Variants in ADARB2 observed in about 807,000 individuals in gnomAD.
The protein encoded by ADARB2 is adenosine deaminase RNA specific B2 (inactive).
ADARB2 carries 25 observed loss-of-function variants against 62.2 expected under a neutral mutation model. The ratio of observed to expected loss-of-function variants is 0.40; its 90% CI spans 0.29 to 0.56. The LOEUF is 0.56. Ranked by LOEUF, ADARB2 falls within the 20% of genes least tolerant of loss-of-function variation. The pLI is 0.43. For synonymous variants in ADARB2, 572 were observed against 500.8 expected (o/e 1.14, Z -1.90); for missense variants, 1,071 against 1,077.4 (o/e 0.99, Z 0.08).
rs1323039474 is a variant in ADARB2, at chr10:1,346,492, CTTT to C, written c.1077+16533_1077+16535del. On this transcript the variant is annotated intron_variant, in intron 3 of 9. Transcript: ENST00000381312. ...TGTTGTTGACAGGGGCATGAACTGG[CTTT>C]CAGTGTTACTGAGTCTTGCTCTTCA... Among the ~76,000 whole-genome samples the C allele has an allele frequency of 7.9e-5, 12 of 152,344 alleles. 1 individual carries two copies. In the East Asian group the frequency reaches 1.9e-3, roughly 24 times the overall value.
At chr10:1,302,837 C>T (rs918026192) in intron 3 of ADARB2, among the ~76,000 whole-genome samples, 42 of 152,248 alleles carry the variant, frequency 2.8e-4, no homozygotes, top group Admixed American at 1.9e-3. Context: ...AGAAGGAAAA[C>T]TAACAAACAG....
intron 1 of ADARB2, among the ~76,000 whole-genome samples, chr10:1,455,337 T>A (rs1402724256): frequency 1.3e-5 from 2 of 152,198 alleles, no homozygotes; most frequent in Non-Finnish European, 2.9e-5. Context: ...TTAAAACAAT[T>A]ATGATGAGCA....
At chr10:1,386,829 C>T (rs1832529386) in intron 1 of ADARB2, among the ~76,000 whole-genome samples, 1 of 151,786 alleles carries the variant, frequency 6.6e-6, no homozygotes. Flanking sequence ...TTATAGAACA[C>T]TGTATAGAGT....
chr10:1,371,741 G>A (rs1206403567), intron 2 of ADARB2, among the ~76,000 whole-genome samples: 3 of 145,936 alleles, frequency 2.1e-5, no homozygotes, highest in Non-Finnish European at 3.0e-5. Flanking sequence ...AAATCACACT[G>A]AGATGTCATC....
At chr10:1,550,382 G>A (rs981896171) in intron 1 of ADARB2, among the ~76,000 whole-genome samples, 1 of 152,220 alleles carries the variant, frequency 6.6e-6, no homozygotes, top group African/African-American at 2.4e-5. Context: ...TATTTTCTGA[G>A]AAAGCTCATT....
At chr10:1,190,099 C>A (rs1052338155) in intron 8 of ADARB2, among the ~76,000 whole-genome samples, 127 of 152,216 alleles carry the variant, frequency 8.3e-4, no homozygotes, top group Admixed American at 8.2e-3. Context: ...CAGCTGAGCT[C>A]CAAGGAGAAA....
chr10:1,325,295 A>G (rs1831834711), intron 3 of ADARB2, among the ~76,000 whole-genome samples: 1 of 151,938 alleles, frequency 6.6e-6, no homozygotes, highest in African/African-American at 2.4e-5. Context: ...ACCTCTCTTC[A>G]CCTCTTCATG....
At position 1,451,261 on chromosome 10, in the gene ADARB2, C is replaced by T. The variant is rs151117548; in HGVS notation, c.101-72101G>A. Among the ~76,000 whole-genome samples, 92 of 152,354 alleles carry T rather than the reference C, an allele frequency of 6.0e-4. No homozygotes were observed. The East Asian group carries it at 0.018, about 29-fold the overall frequency. On this transcript the variant is annotated intron_variant, in intron 1 of 9. Transcript: ENST00000381312. ...AGCGATACAGGTGAAAGTGCCCTCC[C>T]AGTATGGGAAAGACGGCAGAGTATT...
intron 1 of ADARB2, among the ~76,000 whole-genome samples, chr10:1,698,427 G>A (rs199810727): frequency 1.3e-5 from 2 of 152,182 alleles, no homozygotes; most frequent in East Asian, 3.9e-4. Flanking sequence ...CAGAGCATGG[G>A]GGAGAGACAT....
At chr10:1,576,407 A>G (rs963294871) in intron 1 of ADARB2, among the ~76,000 whole-genome samples, 2 of 151,988 alleles carry the variant, frequency 1.3e-5, no homozygotes, top group South Asian at 2.1e-4. Context: ...GAGGGGGCTC[A>G]GGATCACTGG....
At position 1,200,066 on chromosome 10, in the gene ADARB2, G is replaced by A. The variant is rs775269145; in HGVS notation, c.1764C>T (p.Ser588=). 6.3e-7 allele frequency: 1 copy of A among 1,587,338 alleles called. No individual in the cohort carries two copies. ...PVYLQSIVVG[S]LHHTGHLARV... ...GTGCGAGGTGGCCCGTGTGGTGCAG[G>A]CTGCCCACCACGATGCTCTGCAGGT... Residue 588 remains serine, a synonymous_variant, in exon 8 of 10, where the codon AGC becomes AGT. Coordinates refer to ENST00000381312, the MANE Select transcript of ADARB2 (RefSeq NM_018702.4).
At position 1,477,677 on chromosome 10, in the gene ADARB2, C is replaced by A. The variant is rs748312286; in HGVS notation, c.101-98517G>T. ...GACCAACATGAAGCGTCAGCCTGTG[C>A]GCCTCTTTCCAGACGATAGGCGGGG... On this transcript the variant is annotated intron_variant, in intron 1 of 9. Transcript: ENST00000381312. This position sits in a 1 kb window ranked among gnomAD's most constrained non-coding sequence, Gnocchi z 4.5. Among the ~76,000 whole-genome samples, 2 of 152,186 alleles carry A rather than the reference C, an allele frequency of 1.3e-5. No individual in the cohort carries two copies. Among genetic ancestry groups the A allele is most frequent in the East Asian group, 1.9e-4 (1 of 5,190 alleles).
At chr10:1,342,387 C>T (rs1477229457) in intron 3 of ADARB2, among the ~76,000 whole-genome samples, 6 of 152,186 alleles carry the variant, frequency 3.9e-5, no homozygotes, top group African/African-American at 1.2e-4. Context: ...CCATGCACGC[C>T]GCTTGGTTGT....
chr10:1,524,821 G>A (rs910338118), intron 1 of ADARB2, among the ~76,000 whole-genome samples: 1 of 152,088 alleles, frequency 6.6e-6, no homozygotes, highest in Non-Finnish European at 1.5e-5. Context: ...TGACACAAAG[G>A]CCTGTAATTC....
intron 1 of ADARB2, among the ~76,000 whole-genome samples, chr10:1,561,880 C>T (rs530593080): frequency 6.6e-6 from 1 of 152,372 alleles, no homozygotes; most frequent in Admixed American, 6.5e-5. Context: ...CTCTCCCACT[C>T]TTGCCCATGC....
rs937377839 is a variant in ADARB2, at chr10:1,261,735, G to A, written c.1192+9220C>T. On this transcript the variant is annotated intron_variant, in intron 4 of 9. Transcript: ENST00000381312. Reference sequence around the variant, plus strand: ...CAACCATTGTGGAAGTCAGTGTGGCGATTCCTCAGGGATCTAGAACTAGAA... The same window carrying A: ...CAACCATTGTGGAAGTCAGTGTGGCAATTCCTCAGGGATCTAGAACTAGAA... Among the ~76,000 whole-genome samples, 98 of 150,216 alleles carry A rather than the reference G, an allele frequency of 6.5e-4. 12 individuals are homozygous for A. The highest frequency in any genetic ancestry group is 1.4e-3 in the African/African-American group (57 of 39,664).
chr10:1,324,206 G>A (rs1450067655), intron 3 of ADARB2, among the ~76,000 whole-genome samples: 1 of 152,218 alleles, frequency 6.6e-6, no homozygotes, highest in Admixed American at 6.5e-5. Flanking sequence ...GGTACCATAT[G>A]AGTCCACACA....
intron 1 of ADARB2, among the ~76,000 whole-genome samples, chr10:1,407,396 G>A (rs1011407541): frequency 7.9e-5 from 12 of 152,202 alleles, no homozygotes; most frequent in African/African-American, 1.9e-4. Flanking sequence ...TACAACGGCC[G>A]GGGTGGGGTC....
intron 1 of ADARB2, among the ~76,000 whole-genome samples, chr10:1,406,796 A>C (rs550895577): frequency 2.0e-5 from 3 of 152,288 alleles, no homozygotes; most frequent in African/African-American, 7.2e-5. Flanking sequence ...CTGGCCCTGC[A>C]GTTGGGGCCC....
Sources: allele counts gnomAD v4.1 joint callset (sites outside exome capture counted in the v4.1 genomes callset), GRCh38; gene constraint gnomAD v4.1.1; non-coding constraint Gnocchi (gnomAD v3.1); transcripts MANE v1.5; gene names NCBI Gene and HGNC (gene_info 2026-07-23, HGNC 2026-07-21).